Variants in CATSPERE observed in about 807,000 individuals in gnomAD.
CATSPERE encodes the protein cation channel sperm-associated auxiliary subunit epsilon.
In CATSPERE, 93 loss-of-function variants were observed where a neutral mutation model predicts 114.1. The observed-to-expected ratio is 0.81, with a 90% CI of 0.69 to 0.97. The LOEUF (loss-of-function observed/expected upper bound fraction) is 0.97. Among genes scored for constraint, CATSPERE ranks in the 50% least tolerant of loss-of-function variants. The pLI is 0.00. For missense variants in CATSPERE, 1,058 were observed against 1,131.6 expected, an observed-to-expected ratio of 0.93 and a Z score of 0.93; for synonymous variants, 341 against 384.1, an observed-to-expected ratio of 0.89 and a Z score of 1.31.
upstream of CATSPERE, among the ~76,000 whole-genome samples, chr1:244,459,834 G>A (rs978362603): frequency 1.3e-5 from 2 of 152,266 alleles, no homozygotes; most frequent in Middle Eastern, 6.8e-3. Flanking sequence ...TGTTTGCCAT[G>A]CAACTCTTGG....
chr1:244,489,556 CA>C (rs1671628721), intron 5 of CATSPERE, among the ~76,000 whole-genome samples: 1 of 140,610 alleles, frequency 7.1e-6, no homozygotes, highest in Non-Finnish European at 1.5e-5. Context: ...AAAGCCATCT[CA>C]AATTCTCAGG....
intron 20 of CATSPERE, among the ~76,000 whole-genome samples, chr1:244,622,637 G>A (rs1672550091): frequency 2.0e-5 from 3 of 151,944 alleles, no homozygotes. Context: ...CATTCCTAAG[G>A]AATCTGAGCT....
At chr1:244,625,432 A>ATGTTTTTTTTTTTTTTTTT (rs1189412299) in intron 20 of CATSPERE, among the ~76,000 whole-genome samples, 1 of 3,976 alleles carries the variant, frequency 2.5e-4, no homozygotes, top group Non-Finnish European at 4.7e-4. Context: ...ATATATATAT[A>ATGTTTTTTTTTTTTTTTTT]TTTTTTTTTT....
At chr1:244,488,876 A>G (rs916711268) in intron 5 of CATSPERE, among the ~76,000 whole-genome samples, 1 of 152,228 alleles carries the variant, frequency 6.6e-6, no homozygotes, top group African/African-American at 2.4e-5. Context: ...GATTGAACAC[A>G]TGAAATAGAA....
intron 9 of CATSPERE, among the ~76,000 whole-genome samples, chr1:244,556,997 G>A (rs776056237): frequency 1.7e-4 from 26 of 152,048 alleles, no homozygotes; most frequent in Non-Finnish European, 5.9e-5. Context: ...TCTGGATTGT[G>A]TTCTTTGCAT....
intron 6 of CATSPERE, among the ~76,000 whole-genome samples, chr1:244,497,038 G>T (rs934502356): frequency 1.3e-5 from 2 of 152,150 alleles, no homozygotes; most frequent in African/African-American, 2.4e-5. Context: ...TTAATAAAAA[G>T]CAAAGATTGG....
At chr1:244,629,016 C>T (rs577341920) in intron 20 of CATSPERE, among the ~76,000 whole-genome samples, 6 of 152,328 alleles carry the variant, frequency 3.9e-5, no homozygotes, top group Admixed American at 3.9e-4. Flanking sequence ...ACCCAGGTTT[C>T]ATGGTTACTT....
chr1:244,591,423 T>A (rs1667708168), intron 14 of CATSPERE, among the ~76,000 whole-genome samples: 1 of 152,232 alleles, frequency 6.6e-6, no homozygotes, highest in South Asian at 2.1e-4. Flanking sequence ...CTGCATCTGC[T>A]ATAATTTTTA....
intron 2 of CATSPERE, 101 bp from the exon 3 acceptor site, chr1:244,477,440 C>A (rs1669550280): frequency 1.5e-6 from 1 of 680,250 alleles, no homozygotes; most frequent in Admixed American, 2.5e-5. Context: ...GTTATTCTTT[C>A]TTTAAATAAT....
In CATSPERE at chr1:244,573,942, T is replaced by G. The variant is rs1436027954; in HGVS notation, c.1950+1170T>G. On this transcript the variant is annotated intron_variant, in intron 11 of 21. Coordinates refer to ENST00000366534, the MANE Select transcript of CATSPERE (RefSeq NM_001130957.2). This position sits in a 1 kb window ranked among gnomAD's most constrained non-coding sequence, Gnocchi z 4.0. ...AAAACAGCATTTAGACAAAAAATTT[T>G]CTTAGCAAGGCAGTTTTAGTTTCTG... 4.6e-5 allele frequency among the ~76,000 whole-genome samples: 7 copies of G among 152,226 alleles called. No individual in the cohort carries two copies. The highest frequency in any genetic ancestry group is 4.6e-4 in the Admixed American group (7 of 15,282).
rs1669969692 is a variant in CATSPERE at position 244,479,787 on chromosome 1, A to C, written c.326+3A>C. ...TTTCTGTGGTACTATAGAGTTAGGT[A>C]AGTAATGCAGTACTGAATAGGTAAT... On this transcript the variant is annotated splice_donor_region_variant and intron_variant, in intron 5 of 21. Coordinates refer to ENST00000366534, the MANE Select transcript of CATSPERE (RefSeq NM_001130957.2). 1.3e-6 allele frequency: 2 copies of C among 1,545,904 alleles called. No individual in the cohort carries two copies. Among genetic ancestry groups the C allele is most frequent in the Non-Finnish European group, 1.8e-6 (2 of 1,125,078 alleles).
intron 11 of CATSPERE, among the ~76,000 whole-genome samples, chr1:244,579,244 G>A (rs964874906): frequency 6.8e-5 from 10 of 147,744 alleles, no homozygotes. Context: ...AGTGTGTACT[G>A]TAGTTAATTT....
rs181069950 is a variant in CATSPERE at position 244,609,939 on chromosome 1, T to C, written c.2404-301T>C. Reference sequence around the variant, plus strand: ...GCACACACCTGTAGTCCTAGGTACTTGAGAGGCTGAGGCAGGAGGATCACT... The same window carrying C: ...GCACACACCTGTAGTCCTAGGTACTCGAGAGGCTGAGGCAGGAGGATCACT... On this transcript the variant is annotated intron_variant, in intron 18 of 21. Coordinates refer to ENST00000366534, the MANE Select transcript of CATSPERE (RefSeq NM_001130957.2). 3.6e-3 allele frequency among the ~76,000 whole-genome samples: 548 copies of C among 152,198 alleles called. 4 individuals are homozygous for C. Among genetic ancestry groups the C allele is most frequent in the East Asian group, 0.013 (69 of 5,180 alleles).
chr1:244,497,971 G>GT (rs1673392720), intron 6 of CATSPERE, among the ~76,000 whole-genome samples: 1 of 152,082 alleles, frequency 6.6e-6, no homozygotes, highest in African/African-American at 2.4e-5. Context: ...GCAGAGAGCA[G>GT]TTTATCAGTA....
At chr1:244,550,474 G>A (rs1036217703) in intron 8 of CATSPERE, among the ~76,000 whole-genome samples, 2 of 152,038 alleles carry the variant, frequency 1.3e-5, no homozygotes, top group African/African-American at 2.4e-5. Flanking sequence ...GCCCTGTCCC[G>A]TCCTGTTTAT....
At chr1:244,539,897 A>G (rs1658336612) in intron 8 of CATSPERE, among the ~76,000 whole-genome samples, 2 of 146,312 alleles carry the variant, frequency 1.4e-5, no homozygotes, top group African/African-American at 2.5e-5. Context: ...GTGGTCTATC[A>G]ATTTTGTTGA....
intron 20 of CATSPERE, among the ~76,000 whole-genome samples, chr1:244,630,764 T>G (rs1673835657): frequency 6.6e-6 from 1 of 152,162 alleles, no homozygotes; most frequent in Non-Finnish European, 1.5e-5. Flanking sequence ...ATGGGTCCTA[T>G]CTCAGGGAGA....
At chr1:244,519,502 G>A (rs975214614) in intron 8 of CATSPERE, among the ~76,000 whole-genome samples, 12 of 152,350 alleles carry the variant, frequency 7.9e-5, no homozygotes, top group African/African-American at 2.2e-4. Context: ...CCGTGTCTGC[G>A]TGGGTTTCCT....
intron 5 of CATSPERE, among the ~76,000 whole-genome samples, chr1:244,487,586 G>A (rs533960994): frequency 6.4e-4 from 97 of 152,272 alleles, no homozygotes; most frequent in Non-Finnish European, 1.0e-3. Flanking sequence ...AGCCGCTAAC[G>A]TGCCTTACTC....
Sources: allele counts gnomAD v4.1 joint callset (sites outside exome capture counted in the v4.1 genomes callset), GRCh38; gene constraint gnomAD v4.1.1; non-coding constraint Gnocchi (gnomAD v3.1); transcripts MANE v1.5; gene names NCBI Gene and HGNC (gene_info 2026-07-23, HGNC 2026-07-21).